FHOD3: variants seen among roughly 807,000 people sequenced by gnomAD.
FHOD3 encodes the protein FH1/FH2 domain-containing protein 3.
In FHOD3, 90 loss-of-function variants were observed where a neutral mutation model predicts 173.0. The ratio of observed to expected loss-of-function variants is 0.52; its 90% CI spans 0.44 to 0.62. FHOD3 has a LOEUF of 0.62. FHOD3 is among the 20% of genes least tolerant of loss of function. The pLI, the probability that FHOD3 is intolerant of heterozygous loss-of-function variation, is 0.00. For missense variants in FHOD3, 1,945 were observed against 2,034.7 expected, an observed-to-expected ratio of 0.96 and a Z score of 0.85; for synonymous variants, 828 against 823.0, an observed-to-expected ratio of 1.01 and a Z score of -0.10.
chr18:36,529,729 G>A (rs1365552520), intron 5 of FHOD3, among the ~76,000 whole-genome samples: 1 of 152,124 alleles, frequency 6.6e-6, no homozygotes, highest in Admixed American at 6.5e-5. Context: ...GAACCCAGGA[G>A]GCAGAGGTTG....
rs1420152263 is a variant in FHOD3, at chr18:36,600,298, C to T, written c.719-2376C>T. On this transcript the variant is annotated intron_variant, in intron 7 of 28. Transcript: ENST00000590592. ...ACACACACACACACACATATGCACA[C>T]ATACACACACACATTGTGGGGAGTT... 6.8e-5 allele frequency among the ~76,000 whole-genome samples: 10 copies of T among 146,432 alleles called. No homozygotes were observed. The East Asian group carries it at 1.8e-3, about 27-fold the overall frequency.
chr18:36,709,664 AG>A, intron 18 of FHOD3: 1 of 428,452 alleles, frequency 2.3e-6, no homozygotes, highest in Non-Finnish European at 4.2e-6. Flanking sequence ...CCCGATAAGG[AG>A]GGCTTTTCCT....
chr18:36,662,022 A>G (rs2036844120), intron 14 of FHOD3, among the ~76,000 whole-genome samples: 1 of 152,260 alleles, frequency 6.6e-6, no homozygotes, highest in Non-Finnish European at 1.5e-5. Flanking sequence ...GATAATTTCT[A>G]AATGTTTTCT....
At chr18:36,425,919 G>A (rs76724629) in intron 3 of FHOD3, among the ~76,000 whole-genome samples, 40 of 141,674 alleles carry the variant, frequency 2.8e-4, no homozygotes, top group African/African-American at 1.0e-3. Flanking sequence ...TTTTTTTTTC[G>A]AGACGAAATC....
intron 3 of FHOD3, among the ~76,000 whole-genome samples, chr18:36,465,627 C>T (rs984478958): frequency 2.0e-5 from 3 of 152,108 alleles, no homozygotes; most frequent in African/African-American, 7.2e-5. Flanking sequence ...ATTCTAGGTT[C>T]ATCAGACATT....
At chr18:36,403,176 T>C (rs1413973575) in intron 3 of FHOD3, among the ~76,000 whole-genome samples, 2 of 152,168 alleles carry the variant, frequency 1.3e-5, no homozygotes, top group Non-Finnish European at 2.9e-5. Flanking sequence ...GAGGGAGCTA[T>C]GTGTGTCTCC....
chr18:36,387,483 G>A (rs953260830), intron 3 of FHOD3, among the ~76,000 whole-genome samples: 20 of 152,228 alleles, frequency 1.3e-4, no homozygotes, highest in Non-Finnish European at 2.2e-4. Context: ...AATGTGAGAC[G>A]TTCCCAGATT....
chr18:36,472,735 G>A (rs1470434002), intron 3 of FHOD3, among the ~76,000 whole-genome samples: 2 of 152,172 alleles, frequency 1.3e-5, no homozygotes, highest in Admixed American at 6.5e-5. Flanking sequence ...GTTGTAACAT[G>A]TATCAATACT....
intron 8 of FHOD3, 136 bp from the exon 9 acceptor site, chr18:36,611,812 CAAAT>C: frequency 5.0e-6 from 4 of 795,946 alleles, no homozygotes; most frequent in Non-Finnish European, 7.7e-6. Context: ...GGCTTTTGCT[CAAAT>C]AAATTTGTCA....
At chr18:36,770,677 G>A (rs2043337972) in intron 28 of FHOD3, among the ~76,000 whole-genome samples, 1 of 152,294 alleles carries the variant, frequency 6.6e-6, no homozygotes, top group East Asian at 1.9e-4. Context: ...TGAGGTTAAT[G>A]CTTCTGGCCC....
At chr18:36,350,906 A>G (rs1048005150) in intron 1 of FHOD3, among the ~76,000 whole-genome samples, 1 of 152,236 alleles carries the variant, frequency 6.6e-6, no homozygotes, top group African/African-American at 2.4e-5. Context: ...GCTTATTAAA[A>G]TAATAACTAA....
chr18:36,388,024 A>G (rs761237287), intron 3 of FHOD3, among the ~76,000 whole-genome samples: 16 of 152,308 alleles, frequency 1.1e-4, no homozygotes, highest in Non-Finnish European at 1.5e-4. Flanking sequence ...CTTTGGGGAC[A>G]TAGTTTATTT....
intron 5 of FHOD3, among the ~76,000 whole-genome samples, chr18:36,571,804 A>G (rs1481315769): frequency 6.6e-6 from 1 of 152,238 alleles, no homozygotes; most frequent in Admixed American, 6.5e-5. Context: ...AAAAAAAATG[A>G]ACCTCAATCT....
chr18:36,337,028 A>G (rs896538670), intron 1 of FHOD3, among the ~76,000 whole-genome samples: 6 of 148,878 alleles, frequency 4.0e-5, no homozygotes, highest in Non-Finnish European at 7.4e-5. Flanking sequence ...TAAAAATCAG[A>G]TGGGCGTGGT....
chr18:36,580,279 C>G (rs1273651006), intron 6 of FHOD3, among the ~76,000 whole-genome samples: 1 of 152,176 alleles, frequency 6.6e-6, no homozygotes, highest in African/African-American at 2.4e-5. Flanking sequence ...TCCTCCCTAG[C>G]CATTTGGGCC....
intron 3 of FHOD3, among the ~76,000 whole-genome samples, chr18:36,390,114 G>A (rs1310309968): frequency 6.6e-6 from 1 of 152,136 alleles, no homozygotes; most frequent in Non-Finnish European, 1.5e-5. Flanking sequence ...CCCTAGACTG[G>A]GCTCCGGCAT....
intron 5 of FHOD3, among the ~76,000 whole-genome samples, chr18:36,519,419 C>A (rs1438752609): frequency 1.3e-5 from 2 of 152,204 alleles, no homozygotes; most frequent in African/African-American, 2.4e-5. Flanking sequence ...GGTTGGCCTA[C>A]CCCTAGTCTC....
At chr18:36,644,846 A>G (rs1205467143) in intron 10 of FHOD3, among the ~76,000 whole-genome samples, 1 of 152,220 alleles carries the variant, frequency 6.6e-6, no homozygotes, top group Non-Finnish European at 1.5e-5. Flanking sequence ...GACCAGACCC[A>G]GGCAGTCTGG....
intron 3 of FHOD3, among the ~76,000 whole-genome samples, chr18:36,443,346 A>G (rs1347276710): frequency 2.0e-5 from 3 of 152,118 alleles, no homozygotes; most frequent in Admixed American, 1.3e-4. Flanking sequence ...AGAGCTTCTC[A>G]TCTCTATTTA....
Sources: gnomAD v4.1 joint callset for allele counts (sites outside exome capture counted in the v4.1 genomes callset) on GRCh38, gnomAD v4.1.1 for gene constraint, MANE v1.5 for transcripts, NCBI Gene and HGNC (gene_info 2026-07-23, HGNC 2026-07-21) for gene names.